The following RBMS1 variants were observed in gnomAD, a reference collection of about 807,000 sequenced individuals.
RBMS1 encodes RNA-binding motif, single-stranded-interacting protein 1.
Under a neutral mutation model 62.3 loss-of-function variants are expected in RBMS1, and 17 were observed. The ratio of observed to expected loss-of-function variants is 0.27; its 90% CI spans 0.19 to 0.41. The LOEUF (loss-of-function observed/expected upper bound fraction) is 0.41. Among genes scored for constraint, RBMS1 ranks in the 10% least tolerant of loss-of-function variants. RBMS1 has a pLI of 1.00. For missense variants in RBMS1, 334 were observed against 504.5 expected, an observed-to-expected ratio of 0.66 and a Z score of 3.24; for synonymous variants, 172 against 170.0, an observed-to-expected ratio of 1.01 and a Z score of -0.09.
chr2:160,345,907 A>G (rs934740843), intron 2 of RBMS1, among the ~76,000 whole-genome samples: 4 of 152,154 alleles, frequency 2.6e-5, no homozygotes, highest in Non-Finnish European at 4.4e-5. Flanking sequence ...CAGGCTATAC[A>G]AAGTATGGTG....
intron 1 of RBMS1, among the ~76,000 whole-genome samples, chr2:160,378,438 T>A (rs1694110761): frequency 6.6e-6 from 1 of 151,582 alleles, no homozygotes; most frequent in South Asian, 2.1e-4. Flanking sequence ...CATAGCAAAA[T>A]CCCATTTATA....
intron 7 of RBMS1, among the ~76,000 whole-genome samples, chr2:160,286,322 T>G (rs1688391267): frequency 6.7e-6 from 1 of 148,782 alleles, no homozygotes; most frequent in Non-Finnish European, 1.5e-5. Flanking sequence ...TTTTTTTTAT[T>G]TTGTTTTTTT....
intron 1 of RBMS1, among the ~76,000 whole-genome samples, chr2:160,465,865 T>TACACACACACACAC (rs72005445): frequency 9.1e-4 from 134 of 146,728 alleles, no homozygotes; most frequent in Non-Finnish European, 1.7e-3. Context: ...CACACACACA[T>TACACACACACACAC]ACACACACAC....
intron 1 of RBMS1, among the ~76,000 whole-genome samples, chr2:160,460,988 G>A (rs1483980384): frequency 6.6e-6 from 1 of 152,214 alleles, no homozygotes; most frequent in East Asian, 1.9e-4. Context: ...GCTGGGTAAG[G>A]TGGCTCACGC....
chr2:160,426,218 G>GAAAGAAAGAAAGAAAGA (rs71408120), intron 1 of RBMS1, among the ~76,000 whole-genome samples: 2 of 48,676 alleles, frequency 4.1e-5, no homozygotes, highest in Non-Finnish European at 8.3e-5. Flanking sequence ...GAGAGAGACA[G>GAAAGAAAGAAAGAAAGA]AAGAAAGAAA....
Position 160,493,309 on chromosome 2 carries a change from G to C in RBMS1, c.55C>G (p.Pro19Ala). Residue 19 changes from proline (P) to alanine (A), a missense_variant, in exon 1 of 14, where the codon CCC becomes GCC. Pro to Ala is a conservative substitution (Grantham distance 27). Coordinates refer to ENST00000348849, the MANE Select transcript of RBMS1 (RefSeq NM_016836.4). Reference protein sequence around the residue: ...MYPQYATYYYPQYLQAKQSLV... With the variant: ...MYPQYATYYYAQYLQAKQSLV... The stretch of plus-strand genomic sequence containing the variant: ...TTTACCTTGGCTTGCAGATACTGGG[G>C]GTAATAGTAGGTGGCGTACTGAGGG... The C allele has an allele frequency of 6.2e-7, 1 of 1,613,474 alleles. No homozygotes were observed. The highest frequency in any genetic ancestry group is 8.5e-7 in the Non-Finnish European group (1 of 1,179,578).
chr2:160,325,720 A>G (rs1690886236), intron 2 of RBMS1, among the ~76,000 whole-genome samples: 1 of 152,192 alleles, frequency 6.6e-6, no homozygotes, highest in South Asian at 2.1e-4. Context: ...AAAATAGTAG[A>G]AAGGGTCATT....
intron 2 of RBMS1, among the ~76,000 whole-genome samples, chr2:160,323,145 C>T (rs1690674601): frequency 6.6e-6 from 1 of 151,626 alleles, no homozygotes; most frequent in African/African-American, 2.4e-5. Context: ...ATCTTCACCT[C>T]CCCTTGCTCC....
chr2:160,433,164 A>G (rs1463733840), intron 1 of RBMS1, among the ~76,000 whole-genome samples: 1 of 152,340 alleles, frequency 6.6e-6, no homozygotes, highest in East Asian at 1.9e-4. Context: ...CTGTGGTCCC[A>G]GCACTTTGGG....
chr2:160,411,449 A>AG (rs1696032535), intron 1 of RBMS1, among the ~76,000 whole-genome samples: 1 of 152,192 alleles, frequency 6.6e-6, no homozygotes, highest in South Asian at 2.1e-4. Context: ...GAAATGATGG[A>AG]GGGGGCTGCA....
In RBMS1 at chr2:160,474,691, C is replaced by T. The variant is rs1685054918; in HGVS notation, c.75+18598G>A. ...TATGTACAGGAAGAGTCATTTCAAA[C>T]ATTTGTCATAATCAAACTTAGAGCT... On this transcript the variant is annotated intron_variant, in intron 1 of 13. Coordinates refer to ENST00000348849, the MANE Select transcript of RBMS1 (RefSeq NM_016836.4). Among the ~76,000 whole-genome samples the T allele has an allele frequency of 2.0e-5, 3 of 152,278 alleles. 1 individual carries two copies. In the South Asian group the frequency reaches 6.2e-4, roughly 32 times the overall value.
intron 1 of RBMS1, chr2:160,407,576 G>C (rs975844706): frequency 1.8e-5 from 18 of 983,540 alleles, no homozygotes; most frequent in Middle Eastern, 5.2e-4. Flanking sequence ...GCGCGGGCGC[G>C]GGGCAGCCTC....
chr2:160,344,719 A>G (rs1692081459), intron 2 of RBMS1, among the ~76,000 whole-genome samples: 1 of 152,142 alleles, frequency 6.6e-6, no homozygotes, highest in African/African-American at 2.4e-5. Flanking sequence ...GAGAGAACAG[A>G]GAAGAAAACC....
intron 1 of RBMS1, among the ~76,000 whole-genome samples, chr2:160,446,582 A>G (rs1189969457): frequency 6.6e-6 from 1 of 152,200 alleles, no homozygotes; most frequent in Non-Finnish European, 1.5e-5. Flanking sequence ...GGACACATCA[A>G]TATCAATGGA....
chr2:160,449,059 A>T (rs1258700769), intron 1 of RBMS1, among the ~76,000 whole-genome samples: 1 of 147,820 alleles, frequency 6.8e-6, no homozygotes, highest in Admixed American at 6.7e-5. Context: ...TCCGCCCGGC[A>T]GCTGCCCCGT....
At chr2:160,418,408 A>T (rs1574033243) in intron 1 of RBMS1, among the ~76,000 whole-genome samples, 1 of 152,148 alleles carries the variant, frequency 6.6e-6, no homozygotes, top group Non-Finnish European at 1.5e-5. Flanking sequence ...TTTTACATAG[A>T]TCAGGTAAAT....
At chr2:160,454,241 G>A (rs919434092) in intron 1 of RBMS1, among the ~76,000 whole-genome samples, 1 of 152,168 alleles carries the variant, frequency 6.6e-6, no homozygotes, top group African/African-American at 2.4e-5. Context: ...AGGATGCAAG[G>A]ACAACACACC....
At chr2:160,396,568 T>C (rs1430991947) in intron 1 of RBMS1, among the ~76,000 whole-genome samples, 7 of 138,714 alleles carry the variant, frequency 5.0e-5, no homozygotes. Flanking sequence ...TTTTTTTTTT[T>C]TTTTTTTTTT....
At chr2:160,311,209 A>AAATCTATCTATCTATCT (rs1553505365) in intron 4 of RBMS1, among the ~76,000 whole-genome samples, 2 of 57,726 alleles carry the variant, frequency 3.5e-5, no homozygotes, top group Non-Finnish European at 7.8e-5. Flanking sequence ...AAAAAAAAAA[A>AAATCTATCTATCTATCT]ATCTATCTAT....
Sources: allele counts gnomAD v4.1 joint callset (sites outside exome capture counted in the v4.1 genomes callset), GRCh38; gene constraint gnomAD v4.1.1; transcripts MANE v1.5; gene names NCBI Gene and HGNC (gene_info 2026-07-23, HGNC 2026-07-21).